SGCZ: variants seen among roughly 807,000 people sequenced by gnomAD.
SGCZ encodes zeta-sarcoglycan.
A neutral mutation model predicts 41.3 loss-of-function variants in SGCZ; 40 were observed. The ratio of observed to expected loss-of-function variants is 0.97; its 90% CI spans 0.75 to 1.26. The LOEUF (loss-of-function observed/expected upper bound fraction) is 1.26, where lower values mean the gene tolerates loss of function less well. SGCZ is among the 50% of genes most tolerant of loss of function. SGCZ has a pLI of 0.00. For synonymous variants in SGCZ, 206 were observed against 137.5 expected, an observed-to-expected ratio of 1.50 and a Z score of -3.49; for missense variants, 552 against 369.8, an observed-to-expected ratio of 1.49 and a Z score of -4.04.
intron 4 of SGCZ, among the ~76,000 whole-genome samples, chr8:14,205,640 C>A (rs1805592003): frequency 1.3e-5 from 2 of 151,976 alleles, no homozygotes; most frequent in South Asian, 2.1e-4. Flanking sequence ...AATATGCAAA[C>A]CTTTGTTTGG....
intron 3 of SGCZ, among the ~76,000 whole-genome samples, chr8:14,259,791 C>A (rs1469172047): frequency 2.7e-5 from 4 of 150,436 alleles, no homozygotes; most frequent in African/African-American, 7.3e-5. Flanking sequence ...CTTGGCGATG[C>A]GGGCTCTTTT....
intron 1 of SGCZ, among the ~76,000 whole-genome samples, chr8:14,732,130 G>A (rs923160275): frequency 2.6e-5 from 4 of 152,150 alleles, no homozygotes; most frequent in Non-Finnish European, 5.9e-5. Context: ...GATTATTTAA[G>A]TGATAACAGG....
intron 2 of SGCZ, among the ~76,000 whole-genome samples, chr8:14,364,773 T>C (rs962973498): frequency 1.3e-5 from 2 of 152,172 alleles, no homozygotes; most frequent in African/African-American, 4.8e-5. Context: ...TTGCTCATTT[T>C]GATATTATAC....
At chr8:14,961,081 C>T (rs181908803) in intron 1 of SGCZ, among the ~76,000 whole-genome samples, 7 of 152,092 alleles carry the variant, frequency 4.6e-5, no homozygotes, top group East Asian at 3.9e-4. Context: ...AATTCCTTGG[C>T]GGCAAGCTGT....
At chr8:14,165,826 G>A (rs776582266) in intron 4 of SGCZ, among the ~76,000 whole-genome samples, 14 of 152,094 alleles carry the variant, frequency 9.2e-5, no homozygotes, top group African/African-American at 3.4e-4. Context: ...ATTGGGAGAT[G>A]TGTCGCTTCT....
intron 5 of SGCZ, among the ~76,000 whole-genome samples, chr8:14,112,201 G>T (rs10106579): frequency 0.98 from 148,625 of 151,590 alleles, 72,913 homozygotes; most frequent in East Asian, 1. Flanking sequence ...GACCTGATAT[G>T]TGCCAAATGA....
chr8:14,222,849 G>C (rs902007172), intron 4 of SGCZ, among the ~76,000 whole-genome samples: 1 of 122,536 alleles, frequency 8.2e-6, no homozygotes, highest in Non-Finnish European at 1.6e-5. Flanking sequence ...GTCTTGCTCT[G>C]TCGCCCAGGC....
chr8:14,750,243 G>C (rs373839510), intron 1 of SGCZ, among the ~76,000 whole-genome samples: 37 of 151,944 alleles, frequency 2.4e-4, no homozygotes, highest in African/African-American at 6.1e-4. Flanking sequence ...TACCTGTCCT[G>C]AGACTTAGGA....
At chr8:14,592,621 A>G (rs1805276434) in intron 1 of SGCZ, among the ~76,000 whole-genome samples, 1 of 152,166 alleles carries the variant, frequency 6.6e-6, no homozygotes. Context: ...AAACCAAACA[A>G]AAAAACAAAC....
chr8:14,421,221 T>C (rs748958331), intron 2 of SGCZ, among the ~76,000 whole-genome samples: 15 of 152,110 alleles, frequency 9.9e-5, no homozygotes, highest in Non-Finnish European at 1.9e-4. Context: ...TAAGGGGCTA[T>C]TGATCTCATG....
intron 2 of SGCZ, among the ~76,000 whole-genome samples, chr8:14,487,435 T>G (rs1313561202): frequency 6.6e-6 from 1 of 152,214 alleles, no homozygotes; most frequent in Non-Finnish European, 1.5e-5. Flanking sequence ...TACCATAACA[T>G]TGCCTCTCTT....
intron 1 of SGCZ, among the ~76,000 whole-genome samples, chr8:14,629,415 A>AT (rs1296895608): frequency 1.3e-5 from 2 of 152,178 alleles, no homozygotes; most frequent in Non-Finnish European, 2.9e-5. Context: ...TGAAATAATT[A>AT]TTTTTGCATT....
At chr8:15,176,271 T>C (rs1342046720) in intron 1 of SGCZ, among the ~76,000 whole-genome samples, 3 of 152,196 alleles carry the variant, frequency 2.0e-5, no homozygotes, top group African/African-American at 7.2e-5. Flanking sequence ...GAATCCTCAG[T>C]CATGGGTTAT....
intron 1 of SGCZ, among the ~76,000 whole-genome samples, chr8:14,751,826 GT>G (rs33950668): frequency 1 from 151,986 of 151,986 alleles, 75,993 homozygotes; most frequent in Non-Finnish European, 1. Flanking sequence ...AGGATTACAG[GT>G]TGTGAGCCAC....
At chr8:14,885,959 C>G (rs1804774244) in intron 1 of SGCZ, among the ~76,000 whole-genome samples, 1 of 121,750 alleles carries the variant, frequency 8.2e-6, no homozygotes, top group African/African-American at 3.1e-5. Context: ...TACAGTCTGT[C>G]TTTTTTAATC....
At chr8:14,277,912 A>C (rs980840129) in intron 3 of SGCZ, among the ~76,000 whole-genome samples, 4 of 152,140 alleles carry the variant, frequency 2.6e-5, no homozygotes, top group Non-Finnish European at 5.9e-5. Flanking sequence ...AAAAAGAAAA[A>C]AGAAAAAGAG....
Position 14,534,024 on chromosome 8 carries a change from CA to C in SGCZ, c.234+20707del, listed in dbSNP as rs574701956. 6.5e-3 allele frequency among the ~76,000 whole-genome samples: 991 copies of C among 152,048 alleles called. 56 individuals carry two copies. Among genetic ancestry groups the C allele is most frequent in the Admixed American group, 0.06 (909 of 15,228 alleles). On this transcript the variant is annotated intron_variant, in intron 2 of 7. Transcript: ENST00000382080. ...CCAGGGGTATGTGCTCAACAAAGGG[CA>C]AAAACTCTACAGGAGCTGCAGCAAT...
At chr8:14,910,569 A>C (rs1799254104) in intron 1 of SGCZ, among the ~76,000 whole-genome samples, 1 of 151,814 alleles carries the variant, frequency 6.6e-6, no homozygotes, top group Admixed American at 6.6e-5. Context: ...CTTAACATTA[A>C]TATTTTCTTA....
chr8:14,451,707 C>T (rs539283570), intron 2 of SGCZ, among the ~76,000 whole-genome samples: 6 of 152,182 alleles, frequency 3.9e-5, no homozygotes, highest in Non-Finnish European at 8.8e-5. Flanking sequence ...TTGCACACTG[C>T]ATGATATACA....
Sources: gnomAD v4.1 joint callset for allele counts (sites outside exome capture counted in the v4.1 genomes callset) on GRCh38, gnomAD v4.1.1 for gene constraint, MANE v1.5 for transcripts, NCBI Gene and HGNC (gene_info 2026-07-23, HGNC 2026-07-21) for gene names.